Variants in OSTN observed in about 807,000 individuals in gnomAD.
OSTN encodes the protein osteocrin.
OSTN carries 9 observed loss-of-function variants against 12.0 expected under a neutral mutation model. The observed-to-expected ratio is 0.75, with a 90% CI of 0.45 to 1.30. The LOEUF (loss-of-function observed/expected upper bound fraction) is 1.30, where lower values mean the gene tolerates loss of function less well. Ranked by LOEUF, OSTN falls within the 50% of genes most tolerant of loss-of-function variation. The pLI, the probability that OSTN is intolerant of heterozygous loss-of-function variation, is 0.00. For missense variants in OSTN, 148 were observed against 152.3 expected, an observed-to-expected ratio of 0.97 and a Z score of 0.15; for synonymous variants, 59 against 56.9, an observed-to-expected ratio of 1.04 and a Z score of -0.16.
At chr3:191,223,600 G>A (rs1714825159) in intron 3 of OSTN, among the ~76,000 whole-genome samples, 1 of 152,234 alleles carries the variant, frequency 6.6e-6, no homozygotes, top group African/African-American at 2.4e-5. Flanking sequence ...CTTGGGGACT[G>A]AAGAAGAAAG....
chr3:191,200,991 G>A (rs1434074564), intron 1 of OSTN, among the ~76,000 whole-genome samples: 2 of 152,072 alleles, frequency 1.3e-5, no homozygotes, highest in South Asian at 2.1e-4. Flanking sequence ...AGCTTGTGGG[G>A]ATACAACAAG....
chr3:191,205,101 A>G (rs1190588952), intron 1 of OSTN, among the ~76,000 whole-genome samples: 1 of 152,236 alleles, frequency 6.6e-6, no homozygotes, highest in Non-Finnish European at 1.5e-5. Context: ...TTAGGAAACA[A>G]TATTAAATAT....
chr3:191,265,481 AATAACTT>A lies in OSTN; in HGVS notation c.*2630_*2636del, dbSNP rs1327795978. 6.6e-6 allele frequency: 1 copy of A among 152,234 alleles called. No individual in the cohort carries two copies. Among genetic ancestry groups the A allele is most frequent in the East Asian group, 1.9e-4 (1 of 5,206 alleles). The allele number at this position is 152,234 out of a possible 1,614,324, so 9.4% of individuals were successfully genotyped here. A position where few individuals can be genotyped will look rare whatever the true frequency, so the allele number is the denominator to read the frequency against. On this transcript the variant is annotated 3_prime_UTR_variant, in exon 5 of 5. Transcript: ENST00000682035. ...AGTTTCTTAAACCAAATTATGAAAA[AATAACTT>A]AATGGAATCTTCTAAAAGGAAAAAG...
chr3:191,234,441 A>C (rs750196761), intron 3 of OSTN: 4 of 152,418 alleles, frequency 2.6e-5, no homozygotes, highest in South Asian at 2.1e-4. Context: ...TCATGCCTGT[A>C]ATCTCAGCAC....
At chr3:191,199,528 C>T (rs1714106903) in intron 1 of OSTN, among the ~76,000 whole-genome samples, 1 of 151,828 alleles carries the variant, frequency 6.6e-6, no homozygotes, top group Admixed American at 6.6e-5. Context: ...TATAAGATTG[C>T]TTTTCTCTTC....
chr3:191,199,634 T>C (rs1714109171), intron 1 of OSTN, among the ~76,000 whole-genome samples: 1 of 152,092 alleles, frequency 6.6e-6, no homozygotes, highest in African/African-American at 2.4e-5. Flanking sequence ...TGTGTAATAT[T>C]AGAAAAATGT....
At position 191,251,580 on chromosome 3, in the gene OSTN, TAGTC is replaced by T. The variant is rs982460664; in HGVS notation, c.*12+1451_*12+1454del. On this transcript the variant is annotated intron_variant, in intron 4 of 4. Coordinates refer to ENST00000682035, the MANE Select transcript of OSTN (RefSeq NM_198184.2). Reference sequence around the variant, plus strand: ...CCTCATGCTCTAAAACCACAATAAATAGTCAGTATTTTTTCTCAACTCTCTCGTT... The same window carrying T: ...CCTCATGCTCTAAAACCACAATAAATAGTATTTTTTCTCAACTCTCTCGTT... 3.9e-5 allele frequency among the ~76,000 whole-genome samples: 6 copies of T among 152,276 alleles called. No homozygotes were observed. The South Asian group carries it at 1.0e-3, about 26-fold the overall frequency.
intron 4 of OSTN, among the ~76,000 whole-genome samples, chr3:191,254,652 G>T (rs1228060354): frequency 6.6e-6 from 1 of 152,170 alleles, no homozygotes; most frequent in East Asian, 1.9e-4. Flanking sequence ...TCTTTTGAAA[G>T]ATAATTTTTC....
chr3:191,262,026 G>A (rs771494776), intron 4 of OSTN, among the ~76,000 whole-genome samples: 6 of 152,124 alleles, frequency 3.9e-5, no homozygotes, highest in Non-Finnish European at 1.5e-5. Flanking sequence ...AGACCCGCCC[G>A]GCGAACATGG....
rs1576941604 is a variant in OSTN, at chr3:191,258,868, C to G, written c.*13-3998C>G. On this transcript the variant is annotated intron_variant, in intron 4 of 4. Coordinates refer to ENST00000682035, the MANE Select transcript of OSTN (RefSeq NM_198184.2). The stretch of plus-strand genomic sequence containing the variant: ...TGGAAACAACTATAGTTGGCCATGT[C>G]TAACACTGTTACTCTTGCCTAGCCA... 2.6e-5 allele frequency among the ~76,000 whole-genome samples: 4 copies of G among 152,244 alleles called. No individual in the cohort carries two copies. The East Asian group carries it at 5.8e-4, about 22-fold the overall frequency.
intron 3 of OSTN, among the ~76,000 whole-genome samples, chr3:191,226,907 T>C (rs569925701): frequency 2.0e-5 from 3 of 152,134 alleles, no homozygotes; most frequent in African/African-American, 7.2e-5. Context: ...TGACCCCACA[T>C]AGGTATTAGA....
At chr3:191,234,797 G>A (rs888882554) in intron 3 of OSTN, among the ~76,000 whole-genome samples, 2 of 151,678 alleles carry the variant, frequency 1.3e-5, no homozygotes, top group Non-Finnish European at 2.9e-5. Context: ...GAGTGGCCAG[G>A]AGAAAATTAT....
chr3:191,240,769 G>C (rs891542749), intron 3 of OSTN, among the ~76,000 whole-genome samples: 3 of 152,254 alleles, frequency 2.0e-5, no homozygotes, highest in Non-Finnish European at 4.4e-5. Flanking sequence ...GGCTGTTGGC[G>C]AGAGGCCTTA....
chr3:191,206,554 T>A (rs554201479), intron 1 of OSTN, among the ~76,000 whole-genome samples: 298 of 152,342 alleles, frequency 2.0e-3, no homozygotes, highest in Non-Finnish European at 3.7e-3. Flanking sequence ...TCTGCACTAT[T>A]CTCATTACCT....
At chr3:191,258,544 G>A (rs1442009538) in intron 4 of OSTN, among the ~76,000 whole-genome samples, 7 of 151,966 alleles carry the variant, frequency 4.6e-5, no homozygotes, top group East Asian at 3.9e-4. Flanking sequence ...AAATGCACGC[G>A]GGGTTTAAAA....
intron 3 of OSTN, among the ~76,000 whole-genome samples, chr3:191,248,859 A>G (rs1715496618): frequency 2.6e-5 from 4 of 152,176 alleles, no homozygotes; most frequent in Non-Finnish European, 5.9e-5. Flanking sequence ...TGAAGTGGGA[A>G]GATCACTTGA....
intron 4 of OSTN, among the ~76,000 whole-genome samples, chr3:191,252,310 C>A (rs59844068): frequency 6.6e-6 from 1 of 152,162 alleles, no homozygotes; most frequent in Non-Finnish European, 1.5e-5. Context: ...TGTGATTCTC[C>A]TGCCTCGGCC....
chr3:191,241,722 T>G (rs899249622), intron 3 of OSTN, among the ~76,000 whole-genome samples: 1 of 152,156 alleles, frequency 6.6e-6, no homozygotes. Flanking sequence ...CATCTAGACA[T>G]GGAAATTTTC....
intron 3 of OSTN, among the ~76,000 whole-genome samples, chr3:191,228,262 A>C (rs1318759206): frequency 1.1e-4 from 16 of 152,090 alleles, no homozygotes; most frequent in Non-Finnish European, 4.4e-5. Flanking sequence ...TTCTGCCCCA[A>C]CTCTGCCTGG....
Sources: gnomAD v4.1 joint callset for allele counts (sites outside exome capture counted in the v4.1 genomes callset) on GRCh38, gnomAD v4.1.1 for gene constraint, MANE v1.5 for transcripts, NCBI Gene and HGNC (gene_info 2026-07-23, HGNC 2026-07-21) for gene names.